Variants in JAKMIP3 observed in about 807,000 individuals in gnomAD.
JAKMIP3 encodes the protein Janus kinase and microtubule interacting protein 3, also known as janus kinase and microtubule-interacting protein 3.
In JAKMIP3, 58 loss-of-function variants were observed where a neutral mutation model predicts 118.5. That is an observed-to-expected ratio of 0.49 (90% CI 0.40 to 0.61). The LOEUF is 0.61. Ranked by LOEUF, JAKMIP3 falls within the 20% of genes least tolerant of loss-of-function variation. The pLI, the probability that JAKMIP3 is intolerant of heterozygous loss-of-function variation, is 0.00. For missense variants in JAKMIP3, 950 were observed against 1,109.0 expected, an observed-to-expected ratio of 0.86 and a Z score of 2.04; for synonymous variants, 486 against 451.2, an observed-to-expected ratio of 1.08 and a Z score of -0.98.
At chr10:132,101,513 A>T (rs1301808287) in intron 1 of JAKMIP3, among the ~76,000 whole-genome samples, 1 of 152,212 alleles carries the variant, frequency 6.6e-6, no homozygotes, top group Non-Finnish European at 1.5e-5. Flanking sequence ...TGCTTCATCT[A>T]TTTTAAATAG....
At chr10:132,142,682 G>A (rs1352086641) in intron 11 of JAKMIP3, among the ~76,000 whole-genome samples, 1 of 152,198 alleles carries the variant, frequency 6.6e-6, no homozygotes, top group Non-Finnish European at 1.5e-5. Flanking sequence ...CATGGGTCGG[G>A]GGTCCTCTTG....
chr10:132,175,187 A>G (rs948480854), intron 23 of JAKMIP3, among the ~76,000 whole-genome samples: 1 of 152,212 alleles, frequency 6.6e-6, no homozygotes, highest in African/African-American at 2.4e-5. Flanking sequence ...GCCTAACTCA[A>G]AGTCACAAAT....
chr10:132,093,523 G>C (rs1013067801), intron 1 of JAKMIP3, among the ~76,000 whole-genome samples: 6 of 152,204 alleles, frequency 3.9e-5, no homozygotes, highest in African/African-American at 1.4e-4. Context: ...CCGTGGGCGT[G>C]GGACCCTCTG....
At chr10:132,068,217 G>GGA (rs1323963465) in intron 1 of JAKMIP3, among the ~76,000 whole-genome samples, 17 of 151,840 alleles carry the variant, frequency 1.1e-4, no homozygotes, top group East Asian at 3.9e-4. Context: ...GCTTCCGTGT[G>GGA]CACTGTGGCT....
chr10:132,168,556 C>T lies in JAKMIP3; in HGVS notation c.*626C>T, dbSNP rs886616708. ...GGCCAACAGACCCCACATCCACCCT[C>T]GTTCATCATCATCTCTGTGGGGACA... On this transcript the variant is annotated 3_prime_UTR_variant, in exon 23 of 24. Coordinates refer to ENST00000684848, the MANE Select transcript of JAKMIP3 (RefSeq NM_001323087.2). 7.5e-6 allele frequency: 3 copies of T among 402,120 alleles called. No individual in the cohort carries two copies. Among genetic ancestry groups the T allele is most frequent in the Non-Finnish European group, 1.4e-5 (3 of 221,316 alleles). The allele number at this position is 402,120 out of a possible 1,614,324, so 24.9% of individuals were successfully genotyped here.
intron 3 of JAKMIP3, among the ~76,000 whole-genome samples, chr10:132,132,485 G>A (rs530174205): frequency 4.8e-4 from 73 of 152,278 alleles, no homozygotes; most frequent in African/African-American, 1.5e-3. Context: ...TGCAGGCAGC[G>A]GCTGCCATAT....
chr10:132,166,914 C>A, intron 21 of JAKMIP3, 69 bp from the exon 22 acceptor site: 1 of 1,118,538 alleles, frequency 8.9e-7, no homozygotes, highest in Non-Finnish European at 1.3e-6. Flanking sequence ...TATTTCTTGC[C>A]AGAAGCACTA....
intron 1 of JAKMIP3, among the ~76,000 whole-genome samples, chr10:132,046,074 G>A (rs2037904931): frequency 6.6e-6 from 1 of 152,066 alleles, no homozygotes; most frequent in Non-Finnish European, 1.5e-5. Flanking sequence ...ACAGAACATA[G>A]CCATCAGCCT....
intron 3 of JAKMIP3, among the ~76,000 whole-genome samples, chr10:132,126,519 T>C (rs2049580816): frequency 6.6e-6 from 1 of 152,026 alleles, no homozygotes; most frequent in Admixed American, 6.6e-5. Flanking sequence ...CCCAGGCTGG[T>C]CGTGAACTCC....
chr10:132,153,647 A>G (rs1036679169), intron 17 of JAKMIP3, 112 bp from the exon 18 acceptor site: 2 of 1,024,162 alleles, frequency 2.0e-6, no homozygotes, highest in South Asian at 2.6e-5. Flanking sequence ...CCCCTCCCTA[A>G]GGAGAAGAGG....
At position 132,121,251 on chromosome 10, in the gene JAKMIP3, G is replaced by T. The variant is rs965395357; in HGVS notation, c.633+3677G>T. Among the ~76,000 whole-genome samples, 12 of 152,248 alleles carry T rather than the reference G, an allele frequency of 7.9e-5. 1 individual carries two copies. The East Asian group carries it at 1.7e-3, about 22-fold the overall frequency. On this transcript the variant is annotated intron_variant, in intron 3 of 23. Coordinates refer to ENST00000684848, the MANE Select transcript of JAKMIP3 (RefSeq NM_001323087.2). ...CGGGCCTGGCAGGAGCTGCAGGCGG[G>T]AGGAACATCATTCCCAGGTTCCAGG... is the stretch of plus-strand genomic sequence containing the variant.
chr10:132,167,652 C>T (rs1174097569), intron 22 of JAKMIP3, among the ~76,000 whole-genome samples: 2 of 152,192 alleles, frequency 1.3e-5, no homozygotes, highest in South Asian at 2.1e-4. Flanking sequence ...TCGCCTCGGT[C>T]CTCGAGTCTG....
intron 3 of JAKMIP3, among the ~76,000 whole-genome samples, chr10:132,130,074 G>T (rs769469519): frequency 1.1e-4 from 17 of 152,042 alleles, no homozygotes; most frequent in Non-Finnish European, 2.4e-4. Context: ...ACATCAAGGG[G>T]CTTGGGCTCC....
rs113897525 is a variant in JAKMIP3, at chr10:132,172,931, C to T, written c.*1103+3898C>T. ...TGCACACCCACACACCTGTGCTTCC[C>T]GCCTTCCCTCTCTACTTCCTTCTCT... On this transcript the variant is annotated intron_variant, in intron 23 of 23. Transcript: ENST00000684848. Among the ~76,000 whole-genome samples, 740 of 150,840 alleles carry T rather than the reference C, an allele frequency of 4.9e-3. 7 individuals are homozygous for T. Among genetic ancestry groups the T allele is most frequent in the African/African-American group, 0.017 (687 of 40,860 alleles).
chr10:132,082,053 C>T lies in JAKMIP3; in HGVS notation c.-138+15992C>T, dbSNP rs753799356. On this transcript the variant is annotated intron_variant, in intron 1 of 23. Transcript: ENST00000684848. ...CCTCCTCATTGTGAGTCCCAGGTCT[C>T]TGCTCATTGCATGCTTGGCAATTTT... 1.3e-4 allele frequency among the ~76,000 whole-genome samples: 19 copies of T among 151,804 alleles called. 1 individual carries two copies. Among genetic ancestry groups the T allele is most frequent in the African/African-American group, 4.3e-4 (18 of 41,384 alleles).
At chr10:132,157,037 T>C (rs1318673149) in intron 19 of JAKMIP3, among the ~76,000 whole-genome samples, 1 of 152,134 alleles carries the variant, frequency 6.6e-6, no homozygotes, top group African/African-American at 2.4e-5. Flanking sequence ...ATACACATAG[T>C]ATCTTTGCAA....
chr10:132,117,268 G>A lies in JAKMIP3; in HGVS notation c.327G>A (p.Lys109=). 1.9e-6 allele frequency: 3 copies of A among 1,613,964 alleles called. No individual in the cohort carries two copies. The highest frequency in any genetic ancestry group is 2.5e-6 in the Non-Finnish European group (3 of 1,179,892). ...EAELLRVIKI[K]DNENQRLQAL... ...AGCTGCTCAGGGTCATCAAGATCAA[G>A]GACAACGAGAACCAGCGGCTGCAGG... The change falls in exon 3 of 24, where the codon AAG becomes AAA. Residue 109 remains lysine (K), a synonymous_variant. Transcript: ENST00000684848. This position sits in a 1 kb window ranked among gnomAD's most constrained non-coding sequence, Gnocchi z 8.6.
intron 2 of JAKMIP3, among the ~76,000 whole-genome samples, chr10:132,116,460 AGT>A (rs1244297143): frequency 8.9e-5 from 11 of 122,926 alleles, no homozygotes; most frequent in African/African-American, 3.5e-4. Context: ...TGCACATTCA[AGT>A]GTGTGTGTGC....
chr10:132,151,705 G>A (rs1250226915), intron 16 of JAKMIP3, among the ~76,000 whole-genome samples: 2 of 152,124 alleles, frequency 1.3e-5, no homozygotes, highest in Admixed American at 6.5e-5. Flanking sequence ...CCCCACCCAG[G>A]CCTATTTCAG....
Sources: gnomAD v4.1 joint callset for allele counts (sites outside exome capture counted in the v4.1 genomes callset) on GRCh38, gnomAD v4.1.1 for gene constraint, Gnocchi (gnomAD v3.1) non-coding constraint, MANE v1.5 for transcripts, NCBI Gene and HGNC (gene_info 2026-07-23, HGNC 2026-07-21) for gene names.